The following AGMO variants were observed in gnomAD, a reference collection of about 807,000 sequenced individuals.
AGMO encodes the protein alkylglycerol monooxygenase.
In AGMO, 75 loss-of-function variants were observed where a neutral mutation model predicts 60.2. The ratio of observed to expected loss-of-function variants is 1.25; its 90% CI spans 1.03 to 1.51. The LOEUF (loss-of-function observed/expected upper bound fraction) is 1.51, where lower values mean the gene tolerates loss of function less well. Ranked by LOEUF, AGMO falls within the 40% of genes most tolerant of loss-of-function variation. AGMO has a pLI of 0.00. For synonymous variants in AGMO, 261 were observed against 177.1 expected, an observed-to-expected ratio of 1.47 and a Z score of -3.76; for missense variants, 763 against 525.5, an observed-to-expected ratio of 1.45 and a Z score of -4.42.
the AGMO span, among the ~76,000 whole-genome samples, chr7:15,184,353 GGGAGGGAAGGAAGGGAA>G: frequency 5.6e-5 from 1 of 18,000 alleles, no homozygotes; most frequent in African/African-American, 5.6e-4. Flanking sequence ...AAAGAAGGGA[GGGAGGGAAGGAAGGGAA>G]GGAAGGAAGG....
At chr7:15,148,332 T>C in the AGMO span, among the ~76,000 whole-genome samples, 1 of 152,196 alleles carries the variant, frequency 6.6e-6, no homozygotes, top group Non-Finnish European at 1.5e-5. Flanking sequence ...TTCTATTTTT[T>C]TCAACTTTTA....
chr7:15,217,996 G>A lies in AGMO; in HGVS notation c.1264-16637C>T, dbSNP rs112467821. ...TTGGTGCTATTAAATAAAACTAAAT[G>A]ACAACGAATATACTGCATATCAAAA... On this transcript the variant is annotated intron_variant, in intron 12 of 12. Coordinates refer to ENST00000342526, the MANE Select transcript of AGMO (RefSeq NM_001004320.2). Among the ~76,000 whole-genome samples the A allele has an allele frequency of 5.6e-3, 851 of 151,900 alleles. 6 individuals carry two copies. Among genetic ancestry groups the A allele is most frequent in the African/African-American group, 0.019 (800 of 41,454 alleles).
intron 3 of AGMO, among the ~76,000 whole-genome samples, chr7:15,494,157 T>C (rs1239141360): frequency 6.6e-6 from 1 of 152,186 alleles, no homozygotes; most frequent in Non-Finnish European, 1.5e-5. Context: ...GGGAACTAAA[T>C]AAATATCTCC....
intron 3 of AGMO, among the ~76,000 whole-genome samples, chr7:15,492,970 T>C (rs1435431671): frequency 1.3e-5 from 2 of 152,152 alleles, no homozygotes; most frequent in African/African-American, 2.4e-5. Flanking sequence ...ACATTCAGAA[T>C]GTTTTACAGG....
At chr7:15,244,425 T>C (rs1782682493) in intron 12 of AGMO, among the ~76,000 whole-genome samples, 1 of 152,190 alleles carries the variant, frequency 6.6e-6, no homozygotes, top group Non-Finnish European at 1.5e-5. Flanking sequence ...TTGTATAGTT[T>C]ATGCATTAAA....
intron 3 of AGMO, among the ~76,000 whole-genome samples, chr7:15,529,195 T>A (rs893575714): frequency 6.6e-6 from 1 of 152,008 alleles, no homozygotes; most frequent in South Asian, 2.1e-4. Flanking sequence ...ATGGTGTTTT[T>A]AAAAGAAAAA....
intron 12 of AGMO, among the ~76,000 whole-genome samples, chr7:15,354,047 G>C (rs377466341): frequency 2.2e-4 from 33 of 151,964 alleles, no homozygotes; most frequent in East Asian, 1.6e-3. Context: ...GCAATACTAT[G>C]TTCTAATATT....
chr7:15,380,486 A>T (rs1783635026), intron 10 of AGMO, among the ~76,000 whole-genome samples: 1 of 152,126 alleles, frequency 6.6e-6, no homozygotes, highest in Non-Finnish European at 1.5e-5. Context: ...GAGAGCTACA[A>T]AACACTACTC....
At chr7:15,361,840 A>G (rs928559960) in intron 12 of AGMO, among the ~76,000 whole-genome samples, 1 of 152,186 alleles carries the variant, frequency 6.6e-6, no homozygotes, top group African/African-American at 2.4e-5. Context: ...CAGACTTACT[A>G]AGTTTGACTT....
At chr7:15,135,667 C>T in the AGMO span, among the ~76,000 whole-genome samples, 4 of 152,186 alleles carry the variant, frequency 2.6e-5, no homozygotes, top group East Asian at 7.7e-4. Context: ...TCCTATTCCT[C>T]AGAGGACTCT....
chr7:15,226,192 C>A (rs772599037), intron 12 of AGMO, among the ~76,000 whole-genome samples: 9 of 152,032 alleles, frequency 5.9e-5, no homozygotes, highest in Non-Finnish European at 1.3e-4. Context: ...GAACTTTGAA[C>A]TCTATGTTAC....
At chr7:15,138,501 T>A in the AGMO span, among the ~76,000 whole-genome samples, 1 of 152,202 alleles carries the variant, frequency 6.6e-6, no homozygotes, top group East Asian at 1.9e-4. Flanking sequence ...TTTAGTGATA[T>A]AAAATAAGAC....
chr7:15,207,672 C>T (rs760452282), intron 12 of AGMO, among the ~76,000 whole-genome samples: 3 of 152,236 alleles, frequency 2.0e-5, no homozygotes, highest in Non-Finnish European at 4.4e-5. Flanking sequence ...TGGTGGCTCA[C>T]GCCTGTAATC....
At chr7:15,289,545 A>AG (rs146263409) in intron 12 of AGMO, among the ~76,000 whole-genome samples, 5,265 of 152,200 alleles carry the variant, frequency 0.035, 306 homozygotes, top group African/African-American at 0.12. Context: ...TCTCCAAAAA[A>AG]GAAATTTAAA....
chr7:15,307,354 C>T (rs923163519), intron 12 of AGMO, among the ~76,000 whole-genome samples: 4 of 151,938 alleles, frequency 2.6e-5, no homozygotes, highest in Non-Finnish European at 5.9e-5. Flanking sequence ...TAGGCATTTA[C>T]CATTACTTAT....
At chr7:15,174,171 C>G in the AGMO span, among the ~76,000 whole-genome samples, 2 of 151,520 alleles carry the variant, frequency 1.3e-5, no homozygotes, top group Non-Finnish European at 2.9e-5. Flanking sequence ...ATTAATATAT[C>G]CCCCAAATAT....
chr7:15,198,793 G>A (rs1336666682), downstream of AGMO, among the ~76,000 whole-genome samples: 3 of 152,122 alleles, frequency 2.0e-5, no homozygotes, highest in Non-Finnish European at 4.4e-5. Flanking sequence ...CCATCTGGGT[G>A]GTGCCAGCTG....
At chr7:15,185,718 A>G in the AGMO span, among the ~76,000 whole-genome samples, 1 of 152,230 alleles carries the variant, frequency 6.6e-6, no homozygotes, top group Non-Finnish European at 1.5e-5. Context: ...ACCCTGGCTG[A>G]GGCACTGAAC....
intron 12 of AGMO, among the ~76,000 whole-genome samples, chr7:15,258,056 A>G (rs975720892): frequency 6.6e-6 from 1 of 152,212 alleles, no homozygotes; most frequent in Non-Finnish European, 1.5e-5. Flanking sequence ...CATTAGAGCG[A>G]TAACATTCTC....
Sources: gnomAD v4.1 joint callset for allele counts (sites outside exome capture counted in the v4.1 genomes callset) on GRCh38, gnomAD v4.1.1 for gene constraint, MANE v1.5 for transcripts, NCBI Gene and HGNC (gene_info 2026-07-23, HGNC 2026-07-21) for gene names.